Variants in MYH10 observed in about 807,000 individuals in gnomAD.
MYH10 encodes myosin heavy chain 10.
In MYH10, 55 loss-of-function variants were observed where a neutral mutation model predicts 257.8. That is an observed-to-expected ratio of 0.21 (90% CI 0.17 to 0.27). The LOEUF (loss-of-function observed/expected upper bound fraction) is 0.27, where lower values mean the gene tolerates loss of function less well. Among genes scored for constraint, MYH10 ranks in the 10% least tolerant of loss-of-function variants. The pLI is 1.00. For missense variants in MYH10, 1,631 were observed against 2,500.6 expected, an observed-to-expected ratio of 0.65 and a Z score of 7.42; for synonymous variants, 854 against 921.7, an observed-to-expected ratio of 0.93 and a Z score of 1.33.
intron 2 of MYH10, among the ~76,000 whole-genome samples, chr17:8,606,046 GAATT>G (rs534218208): frequency 1.1e-3 from 165 of 151,760 alleles, no homozygotes; most frequent in Admixed American, 3.6e-3. Context: ...CTTTTTAAAT[GAATT>G]AATAAAGATT....
chr17:8,540,876 A>AC (rs1160482768), intron 14 of MYH10, among the ~76,000 whole-genome samples: 1 of 152,242 alleles, frequency 6.6e-6, no homozygotes, highest in Admixed American at 6.5e-5. Flanking sequence ...TTGTGTATGC[A>AC]CAAGTTACCT....
intron 3 of MYH10, among the ~76,000 whole-genome samples, chr17:8,592,498 T>C (rs2084185787): frequency 6.6e-6 from 1 of 151,970 alleles, no homozygotes; most frequent in Non-Finnish European, 1.5e-5. Context: ...ATTGAAAAGA[T>C]AATAAGAAAA....
At chr17:8,559,495 C>CT (rs554269580) in intron 7 of MYH10, among the ~76,000 whole-genome samples, 219 of 151,748 alleles carry the variant, frequency 1.4e-3, no homozygotes, top group African/African-American at 4.8e-3. Context: ...TTATTTTATT[C>CT]TTTTTTTTAG....
intron 30 of MYH10, among the ~76,000 whole-genome samples, chr17:8,497,980 C>CTTTTTTT (rs71159593): frequency 4.8e-5 from 5 of 103,424 alleles, no homozygotes; most frequent in Non-Finnish European, 8.8e-5. Context: ...AATACTATGC[C>CTTTTTTT]TTTTTTTTTT....
rs1380985900 is a variant in MYH10 at position 8,535,230 on chromosome 17, G to A, written c.1894+157C>T. Among the ~76,000 whole-genome samples the A allele has an allele frequency of 4.6e-5, 7 of 152,140 alleles. No homozygotes were observed. The highest frequency in any genetic ancestry group is 1.0e-4 in the Non-Finnish European group (7 of 68,024). On this transcript the variant is annotated intron_variant, in intron 16 of 42. Coordinates refer to ENST00000360416, the MANE Select transcript of MYH10 (RefSeq NM_001256012.3). This position sits in a 1 kb window ranked among gnomAD's most constrained non-coding sequence, Gnocchi z 4.3. ...TTCTTAACCCAAGTATTGTTAAAAC[G>A]GATAAATTCCGATATAACGGCAGCC...
At chr17:8,559,613 A>G (rs2082919669) in intron 7 of MYH10, among the ~76,000 whole-genome samples, 1 of 152,198 alleles carries the variant, frequency 6.6e-6, no homozygotes, top group Middle Eastern at 3.2e-3. Context: ...TCCATAATGT[A>G]TCTTAGATTT....
At chr17:8,510,589 G>A (rs1798336067) in intron 24 of MYH10, among the ~76,000 whole-genome samples, 1 of 152,172 alleles carries the variant, frequency 6.6e-6, no homozygotes, top group South Asian at 2.1e-4. Context: ...TTAAATGTTG[G>A]CACATTTGTT....
intron 17 of MYH10, among the ~76,000 whole-genome samples, chr17:8,525,515 T>C (rs2081813105): frequency 6.6e-6 from 1 of 152,222 alleles, no homozygotes; most frequent in Non-Finnish European, 1.5e-5. Context: ...CTAAGTGAAC[T>C]TGCACGAAGT....
In MYH10 at chr17:8,480,519, C is replaced by G. The variant is rs748885278; in HGVS notation, c.5271G>C (p.Ala1757=). ...EITNSASGKS[A]LLDEKRRLEA... ...CCAGACGCCGCTTCTCATCCAGCAGCGCGGACCTGGCGGGGAGAGGAGGAG... is the reference window on the plus strand; with the variant it reads ...CCAGACGCCGCTTCTCATCCAGCAGGGCGGACCTGGCGGGGAGAGGAGGAG... Residue 1757 remains alanine (A), a synonymous_variant, in exon 39 of 43, where the codon GCG becomes GCC. Coordinates refer to ENST00000360416, the MANE Select transcript of MYH10 (RefSeq NM_001256012.3). 5.6e-6 allele frequency: 9 copies of G among 1,607,938 alleles called. No individual in the cohort carries two copies. Among genetic ancestry groups the G allele is most frequent in the Non-Finnish European group, 6.8e-6 (8 of 1,179,788 alleles).
Position 8,623,123 on chromosome 17 carries a change from G to T in MYH10, c.124C>A (p.Arg42Ser). Residue 42 changes from arginine to serine, a missense_variant, in exon 2 of 43, where the codon CGC (arginine) becomes AGC (serine). Arg to Ser is a moderately radical substitution (Grantham distance 110). Around this residue, in one of 11 missense-constraint regions of MYH10, gnomAD observed 360 missense variants for 581.9 expected, o/e 0.62. Coordinates refer to ENST00000360416, the MANE Select transcript of MYH10 (RefSeq NM_001256012.3). ...ATACTAGCTGCCTCAAAACCATGGC[G>T]TTCTGATGGAATCCACACTAGCTTT... ...AKKLVWIPSE[R>S]HGFEAASIKE... The T allele has an allele frequency of 6.2e-7, 1 of 1,613,912 alleles. No homozygotes were observed. Among genetic ancestry groups the T allele is most frequent in the Non-Finnish European group, 8.5e-7 (1 of 1,179,984 alleles).
In MYH10 at chr17:8,542,848, A is replaced by G. The variant is rs534859762; in HGVS notation, c.1432-568T>C. Among the ~76,000 whole-genome samples, 8 of 152,290 alleles carry G rather than the reference A, an allele frequency of 5.3e-5. No homozygotes were observed. In the South Asian group the frequency reaches 1.7e-3, roughly 32 times the overall value. ...GAGCTCAGCCAGGCCTGGCACATGG[A>G]ATGCGCTTAGTATGAGACTCTCTAT... is the stretch of plus-strand genomic sequence containing the variant. On this transcript the variant is annotated intron_variant, in intron 13 of 42. Coordinates refer to ENST00000360416, the MANE Select transcript of MYH10 (RefSeq NM_001256012.3).
At chr17:8,548,843 C>A in intron 9 of MYH10, 56 bp from the exon 10 acceptor site, 1 of 1,457,930 alleles carries the variant, frequency 6.9e-7, no homozygotes, top group Non-Finnish European at 9.6e-7. Context: ...GACAACTAAG[C>A]CATAACTGCA....
intron 27 of MYH10, among the ~76,000 whole-genome samples, chr17:8,505,168 T>C (rs1328349181): frequency 6.6e-6 from 1 of 152,186 alleles, no homozygotes; most frequent in Non-Finnish European, 1.5e-5. Context: ...CAAACGACCA[T>C]GCTTCTCCAT....
chr17:8,494,041 GATAACTTTGTAAA>G (rs1410502053), intron 31 of MYH10, 156 bp from the exon 32 acceptor site: 2 of 848,962 alleles, frequency 2.4e-6, no homozygotes, highest in East Asian at 5.2e-5. Flanking sequence ...AAACACACAC[GATAACTTTGTAAA>G]AGCTCTTCAC....
chr17:8,510,983 T>C (rs1368519413), intron 24 of MYH10: 2 of 143,856 alleles, frequency 1.4e-5, no homozygotes, highest in East Asian at 2.0e-4. Context: ...TATTACACAC[T>C]ACATGCCTGT....
intron 13 of MYH10, among the ~76,000 whole-genome samples, chr17:8,544,513 A>G (rs1244276610): frequency 1.3e-5 from 2 of 152,168 alleles, no homozygotes; most frequent in Non-Finnish European, 2.9e-5. Flanking sequence ...TTACAAATCA[A>G]AACACCTTAA....
intron 5 of MYH10, 53 bp downstream of exon 5, chr17:8,577,183 C>T: frequency 1.4e-6 from 2 of 1,441,836 alleles, no homozygotes; most frequent in African/African-American, 1.4e-5. Flanking sequence ...ATTTTTGTTT[C>T]TGAAATTATA....
At chr17:8,520,095 G>A (rs180899855) in intron 19 of MYH10, among the ~76,000 whole-genome samples, 2 of 152,254 alleles carry the variant, frequency 1.3e-5, no homozygotes, top group African/African-American at 4.8e-5. Context: ...AAGATGGAAA[G>A]AAGTACCCCA....
At chr17:8,557,718 C>T (rs2082853882) in intron 7 of MYH10, among the ~76,000 whole-genome samples, 1 of 152,138 alleles carries the variant, frequency 6.6e-6, no homozygotes, top group South Asian at 2.1e-4. Flanking sequence ...GACAAACAGG[C>T]TCTTGCTACA....
Sources: gnomAD v4.1 joint callset for allele counts (sites outside exome capture counted in the v4.1 genomes callset) on GRCh38, gnomAD v4.1.1 for gene constraint, gnomAD v4.1.1 regional missense constraint, Gnocchi (gnomAD v3.1) non-coding constraint, MANE v1.5 for transcripts, NCBI Gene and HGNC (gene_info 2026-07-23, HGNC 2026-07-21) for gene names.